Variants in GPM6B observed in about 807,000 individuals in gnomAD.
The protein encoded by GPM6B is neuronal membrane glycoprotein M6-b.
GPM6B carries 4 observed loss-of-function variants against 27.2 expected under a neutral mutation model. That is an observed-to-expected ratio of 0.15 (90% CI 0.07 to 0.34). The LOEUF (loss-of-function observed/expected upper bound fraction) is 0.34. Ranked by LOEUF, GPM6B falls within the 10% of genes least tolerant of loss-of-function variation. The pLI is 1.00. For missense variants in GPM6B, 183 were observed against 261.9 expected (o/e 0.70, Z 2.08); for synonymous variants, 124 against 103.1 (o/e 1.20, Z -1.23).
Position 13,920,754 on chromosome X carries a change from G to A in GPM6B, c.-198+17573C>T, listed in dbSNP as rs748922247. ...AAAATACAAAAAATTAGCCGGGTGT[G>A]GTGGCGGGCGCCTGCAGTCCCAGCT... On this transcript the variant is annotated intron_variant, in intron 1 of 6. Transcript: ENST00000398361. Among the ~76,000 whole-genome samples, 372 of 109,925 alleles carry A rather than the reference G, an allele frequency of 3.4e-3. 3 individuals carry two copies. The highest frequency in any genetic ancestry group is 0.011 in the African/African-American group (342 of 30,156).
chrX:13,829,631 GTCC>G (rs1174659971), intron 1 of GPM6B, among the ~76,000 whole-genome samples: 2 of 110,945 alleles, frequency 1.8e-5, no homozygotes, highest in African/African-American at 6.6e-5. Flanking sequence ...CCTGTGCTCT[GTCC>G]TCAAATTGTA....
At chrX:13,799,363 C>G (rs963003896) in intron 2 of GPM6B, among the ~76,000 whole-genome samples, 1 of 104,568 alleles carries the variant, frequency 9.6e-6, no homozygotes, top group Non-Finnish European at 2.0e-5. Flanking sequence ...CAGGCACCCA[C>G]CAATACTCCC....
chrX:13,833,630 G>A (rs906752402), intron 1 of GPM6B, among the ~76,000 whole-genome samples: 1 of 110,243 alleles, frequency 9.1e-6, no homozygotes, highest in East Asian at 2.8e-4. Context: ...AGGAGGCTGA[G>A]GGGTGAGGAT....
At chrX:13,789,643 T>C (rs1280064785) in intron 2 of GPM6B, among the ~76,000 whole-genome samples, 12 of 110,694 alleles carry the variant, frequency 1.1e-4, no homozygotes, top group African/African-American at 3.3e-4. Context: ...GGCGTGGTGG[T>C]GGGCGCCTGT....
intron 2 of GPM6B, among the ~76,000 whole-genome samples, chrX:13,804,356 C>T (rs182679787): frequency 1.6e-3 from 169 of 103,050 alleles, no homozygotes; most frequent in Non-Finnish European, 3.1e-3. Context: ...CCTGCTTCAT[C>T]GCTTGCCTGC....
chrX:13,817,136 A>G (rs941227011), upstream of GPM6B: 1 of 946,927 alleles, frequency 1.1e-6, no homozygotes. Context: ...GCAGGCAGCC[A>G]TACGTCACCG....
intron 1 of GPM6B, among the ~76,000 whole-genome samples, chrX:13,880,332 G>A (rs770753200): frequency 1.1e-4 from 12 of 111,255 alleles, no homozygotes; most frequent in Admixed American, 6.7e-4. Flanking sequence ...AGTAGTGGTC[G>A]TCTCTCTCCT....
At chrX:13,823,150 T>C (rs937433058) in intron 1 of GPM6B, among the ~76,000 whole-genome samples, 1 of 112,825 alleles carries the variant, frequency 8.9e-6, no homozygotes, top group Non-Finnish European at 1.9e-5. Context: ...CTTTCCTTTA[T>C]AGGAAATGAC....
chrX:13,774,369 T>C, intron 7 of GPM6B: 1 of 1,030,763 alleles, frequency 9.7e-7, no homozygotes, highest in Admixed American at 4.0e-5. Flanking sequence ...GATCTCATTA[T>C]TGTGTAATTC....
intron 1 of GPM6B, among the ~76,000 whole-genome samples, chrX:13,813,234 C>T (rs771725004): frequency 5.7e-5 from 6 of 105,817 alleles, no homozygotes; most frequent in South Asian, 4.1e-4. Context: ...TCTTCCTAAA[C>T]GAAAAATGAG....
intron 1 of GPM6B, among the ~76,000 whole-genome samples, chrX:13,906,478 G>T (rs773125613): frequency 8.9e-6 from 1 of 111,853 alleles, no homozygotes; most frequent in Admixed American, 9.5e-5. Flanking sequence ...TTGGAGATTT[G>T]ATACATTTTT....
chrX:13,861,111 C>CAT (rs1182521623), intron 1 of GPM6B, among the ~76,000 whole-genome samples: 4 of 103,366 alleles, frequency 3.9e-5, no homozygotes, highest in Non-Finnish European at 7.7e-5. Flanking sequence ...CATATACACA[C>CAT]ATATATATAC....
At chrX:13,881,140 T>A (rs2050092858) in intron 1 of GPM6B, among the ~76,000 whole-genome samples, 2 of 112,278 alleles carry the variant, frequency 1.8e-5, no homozygotes, top group African/African-American at 3.2e-5. Context: ...AGGAATCTTG[T>A]CTACCTTGCC....
intron 1 of GPM6B, among the ~76,000 whole-genome samples, chrX:13,928,826 G>A (rs750954283): frequency 5.4e-5 from 6 of 111,899 alleles, no homozygotes; most frequent in Admixed American, 1.9e-4. Context: ...TTCTTTTTGC[G>A]CTGGAACTAT....
chrX:13,785,521 C>G lies in GPM6B; in HGVS notation c.368+101G>C, dbSNP rs1174351355. The G allele has an allele frequency of 6.3e-6, 5 of 790,529 alleles. No individual in the cohort carries two copies. In the East Asian group the frequency reaches 1.6e-4, roughly 25 times the overall value. The allele number at this position is 790,529 out of a possible 1,213,427, so 65.1% of individuals were successfully genotyped here. On this transcript the variant is annotated intron_variant, in intron 3 of 7. Coordinates refer to ENST00000316715, the MANE Select transcript of GPM6B (RefSeq NM_001001995.3). The stretch of plus-strand genomic sequence containing the variant: ...CAGGCTGGTCTTGAACTCCTGACTT[C>G]AGGTGATCTGCCTGCCTCAGCCTCC...
chrX:13,925,820 C>T (rs987893576), intron 1 of GPM6B, among the ~76,000 whole-genome samples: 3 of 110,433 alleles, frequency 2.7e-5, no homozygotes, highest in Non-Finnish European at 1.9e-5. Context: ...TTTGGGAGAC[C>T]GAGGCAGGTG....
At position 13,807,547 on chromosome X, in the gene GPM6B, C is replaced by T. The variant is rs2049045940; in HGVS notation, c.181+103G>A. 5 of 676,417 alleles carry T rather than the reference C, an allele frequency of 7.4e-6. No individual in the cohort carries two copies. In the South Asian group the frequency reaches 2.7e-4, roughly 37 times the overall value. 55.7% of individuals were successfully genotyped at this position (676,417 alleles called of 1,213,427 possible). Reference sequence around the variant, plus strand: ...ATGCCCGTGTGAACAAATTAATGCACCAAGCAAAACATAAAATATCACCAA... The same window carrying T: ...ATGCCCGTGTGAACAAATTAATGCATCAAGCAAAACATAAAATATCACCAA... On this transcript the variant is annotated intron_variant, in intron 2 of 7. Coordinates refer to ENST00000316715, the MANE Select transcript of GPM6B (RefSeq NM_001001995.3).
At chrX:13,846,790 C>CTTT (rs10656571) in intron 1 of GPM6B, among the ~76,000 whole-genome samples, 8,128 of 85,174 alleles carry the variant, frequency 0.095, 560 homozygotes, top group African/African-American at 0.17. Context: ...ACTGCGCCAG[C>CTTT]TTTTTTTTTT....
chrX:13,835,430 T>C (rs751563054), intron 1 of GPM6B, among the ~76,000 whole-genome samples: 2 of 112,122 alleles, frequency 1.8e-5, no homozygotes, highest in East Asian at 5.6e-4. Flanking sequence ...AATCAGAAGT[T>C]CTCTATCTGA....
Sources: gnomAD v4.1 joint callset for allele counts (sites outside exome capture counted in the v4.1 genomes callset) on GRCh38, gnomAD v4.1.1 for gene constraint, MANE v1.5 for transcripts, NCBI Gene and HGNC (gene_info 2026-07-23, HGNC 2026-07-21) for gene names.